RIMS1: variants seen among roughly 807,000 people sequenced by gnomAD.
RIMS1 encodes regulating synaptic membrane exocytosis protein 1.
In RIMS1, 83 loss-of-function variants were observed where a neutral mutation model predicts 214.1. That is an observed-to-expected ratio of 0.39 (90% confidence interval 0.32 to 0.47). The LOEUF is 0.47. Among genes scored for constraint, RIMS1 ranks in the 20% least tolerant of loss-of-function variants. The pLI is 0.99. For synonymous variants in RIMS1, 793 were observed against 786.8 expected (o/e 1.01, Z -0.13); for missense variants, 2,050 against 2,161.8 (o/e 0.95, Z 1.03).
chr6:72,219,264 T>G (rs1008184240), intron 6 of RIMS1, among the ~76,000 whole-genome samples: 1 of 152,184 alleles, frequency 6.6e-6, no homozygotes, highest in Non-Finnish European at 1.5e-5. Context: ...GATACTATGA[T>G]AATTGTCAAG....
chr6:72,272,276 A>G (rs529607590), intron 22 of RIMS1, among the ~76,000 whole-genome samples: 2 of 152,332 alleles, frequency 1.3e-5, no homozygotes, highest in Admixed American at 6.5e-5. Flanking sequence ...GAAAAAAACC[A>G]GAAGTAGCAC....
chr6:71,954,655 T>A (rs190105674), intron 1 of RIMS1, among the ~76,000 whole-genome samples: 1 of 152,266 alleles, frequency 6.6e-6, no homozygotes, highest in Admixed American at 6.5e-5. Context: ...ATCCTTAAAT[T>A]AGTAGAATTT....
At chr6:72,197,139 C>T (rs1211471674) in intron 6 of RIMS1, among the ~76,000 whole-genome samples, 3 of 152,094 alleles carry the variant, frequency 2.0e-5, no homozygotes, top group Admixed American at 2.0e-4. Flanking sequence ...TAAAGTTGAG[C>T]TTCACACCTC....
intron 6 of RIMS1, among the ~76,000 whole-genome samples, chr6:72,216,082 ATTGCTG>A (rs2055878104): frequency 6.6e-6 from 1 of 152,150 alleles, no homozygotes; most frequent in South Asian, 2.1e-4. Context: ...ATCATTATTC[ATTGCTG>A]TTTCTGGGAT....
intron 2 of RIMS1, among the ~76,000 whole-genome samples, chr6:72,026,506 A>T (rs777848270): frequency 7.9e-6 from 1 of 125,880 alleles, no homozygotes; most frequent in Non-Finnish European, 1.6e-5. Flanking sequence ...ACTAGGGAAG[A>T]ATCTACCAAT....
chr6:71,888,682 A>G (rs771318500), intron 1 of RIMS1, among the ~76,000 whole-genome samples: 59 of 152,352 alleles, frequency 3.9e-4, no homozygotes, highest in Admixed American at 1.3e-3. Flanking sequence ...CTGTTAGGTC[A>G]CAGCAAAATA....
At chr6:72,262,943 A>G (rs780901589) in intron 19 of RIMS1, 220 of 483,294 alleles carry the variant, frequency 4.6e-4, no homozygotes, top group Non-Finnish European at 5.7e-4. Flanking sequence ...CAATTTCCTG[A>G]CAATAATTAT....
chr6:72,114,508 CT>C (rs2036696209), intron 4 of RIMS1, among the ~76,000 whole-genome samples: 1 of 151,880 alleles, frequency 6.6e-6, no homozygotes, highest in Admixed American at 6.6e-5. Context: ...AAATTTTATG[CT>C]GCTTATAACA....
intron 2 of RIMS1, among the ~76,000 whole-genome samples, chr6:72,019,907 G>A (rs1814069664): frequency 6.6e-6 from 1 of 152,130 alleles, no homozygotes; most frequent in Non-Finnish European, 1.5e-5. Context: ...CCATTGTCTT[G>A]TAAGATCCTT....
chr6:72,027,338 C>T (rs1394109358), intron 2 of RIMS1, among the ~76,000 whole-genome samples: 1 of 152,078 alleles, frequency 6.6e-6, no homozygotes, highest in African/African-American at 2.4e-5. Context: ...ATTTTTGCCT[C>T]TCTGAAGGGG....
intron 8 of RIMS1, 121 bp downstream of exon 8, chr6:72,235,849 T>C (rs1419004379): frequency 4.3e-5 from 19 of 443,276 alleles, no homozygotes; most frequent in Admixed American, 2.5e-4. Context: ...TTTATTGATA[T>C]AGCATATAGA....
In RIMS1 at chr6:72,248,122, C is replaced by A. The variant is rs568811829; in HGVS notation, c.2236C>A (p.Leu746Ile). The A allele has an allele frequency of 1.2e-6, 2 of 1,601,436 alleles. No individual in the cohort carries two copies. Among genetic ancestry groups the A allele is most frequent in the African/African-American group, 1.3e-5 (1 of 74,672 alleles). ...TGCCCCACAAGTCTTACCAGGGCAACTTTCTGTATGTATTTTTTGTACATG... is the reference window on the plus strand; with the variant it reads ...TGCCCCACAAGTCTTACCAGGGCAAATTTCTGTATGTATTTTTTGTACATG... ...KDAPQVLPGQLSVKLWYDKVG... is the reference protein window; with the variant it reads ...KDAPQVLPGQISVKLWYDKVG... The change falls in exon 12 of 34, where the codon CTT becomes ATT. Residue 746 changes from leucine to isoleucine, a missense_variant. Physicochemically the swap from Leu to Ile is conservative, Grantham distance 5. Coordinates refer to ENST00000521978, the MANE Select transcript of RIMS1 (RefSeq NM_014989.7).
At chr6:72,266,996 A>G (rs924225713) in intron 22 of RIMS1, among the ~76,000 whole-genome samples, 2 of 151,974 alleles carry the variant, frequency 1.3e-5, no homozygotes, top group East Asian at 3.9e-4. Context: ...TATTTATGAG[A>G]TATTTATTTC....
At position 72,304,229 on chromosome 6, in the gene RIMS1, G is replaced by T. The variant is rs537786503; in HGVS notation, c.3851-3029G>T. Among the ~76,000 whole-genome samples, 13 of 151,772 alleles carry T rather than the reference G, an allele frequency of 8.6e-5. No homozygotes were observed. The East Asian group carries it at 2.5e-3, about 29-fold the overall frequency. On this transcript the variant is annotated intron_variant, in intron 26 of 33. Coordinates refer to ENST00000521978, the MANE Select transcript of RIMS1 (RefSeq NM_014989.7). ...TTCAGAATGTTCCTAAAATGTGAAT[G>T]TAATGCTAGGATTTGTGGGGTAATT...
rs534335473 is a variant in RIMS1, at chr6:72,300,104, A to G, written c.3851-7154A>G. Among the ~76,000 whole-genome samples, 516 of 151,924 alleles carry G rather than the reference A, an allele frequency of 3.4e-3. 1 individual carries two copies. Among genetic ancestry groups the G allele is most frequent in the African/African-American group, 0.012 (492 of 41,518 alleles). On this transcript the variant is annotated intron_variant, in intron 26 of 33. Transcript: ENST00000521978. ...CTCTTTTTTTGGCACAATCTCATAA[A>G]TATATTGTCATTGTAGCCTTCTCTT... is the stretch of plus-strand genomic sequence containing the variant.
rs558182787 is a variant in RIMS1, at chr6:72,242,549, A to G, written c.2081+112A>G. 1.2e-4 allele frequency: 90 copies of G among 728,918 alleles called. No individual in the cohort carries two copies. In the African/African-American group the frequency reaches 1.5e-3, roughly 12 times the overall value. The allele number at this position is 728,918 out of a possible 1,614,324, so 45.2% of individuals were successfully genotyped here. ...ACATGTTAACATGGATAGTTTTTGC[A>G]TCAATTATGGGCATACATTTTTAGA... On this transcript the variant is annotated intron_variant, in intron 10 of 33. Coordinates refer to ENST00000521978, the MANE Select transcript of RIMS1 (RefSeq NM_014989.7).
At chr6:72,094,548 T>C (rs999859637) in intron 2 of RIMS1, among the ~76,000 whole-genome samples, 2 of 152,236 alleles carry the variant, frequency 1.3e-5, no homozygotes, top group African/African-American at 4.8e-5. Context: ...GACAAACTGC[T>C]GTATGGGCAA....
At chr6:72,118,979 T>C (rs2037658912) in intron 4 of RIMS1, among the ~76,000 whole-genome samples, 1 of 151,238 alleles carries the variant, frequency 6.6e-6, no homozygotes, top group African/African-American at 2.4e-5. Context: ...GCCAGACCAA[T>C]CAGACAAGAG....
At chr6:72,253,350 C>A (rs1218413702) in intron 16 of RIMS1, among the ~76,000 whole-genome samples, 1 of 152,026 alleles carries the variant, frequency 6.6e-6, no homozygotes, top group Non-Finnish European at 1.5e-5. Flanking sequence ...TGTTTTAATA[C>A]AATAATATGT....
Sources: allele counts gnomAD v4.1 joint callset (sites outside exome capture counted in the v4.1 genomes callset), GRCh38; gene constraint gnomAD v4.1.1; transcripts MANE v1.5; gene names NCBI Gene and HGNC (gene_info 2026-07-23, HGNC 2026-07-21).